The following RIMS1 variants were observed in gnomAD, a reference collection of about 807,000 sequenced individuals.
The protein encoded by RIMS1 is regulating synaptic membrane exocytosis protein 1.
A neutral mutation model predicts 214.1 loss-of-function variants in RIMS1; 83 were observed. That is an observed-to-expected ratio of 0.39 (90% CI 0.32 to 0.47). RIMS1 has a LOEUF of 0.47. RIMS1 is among the 20% of genes least tolerant of loss of function. The probability of loss-of-function intolerance (pLI) is 0.99; values close to 1 mark genes in which losing one functional copy is unlikely to be tolerated. For missense variants in RIMS1, 2,050 were observed against 2,161.8 expected (o/e 0.95, Z 1.03); for synonymous variants, 793 against 786.8 (o/e 1.01, Z -0.13).
intron 2 of RIMS1, among the ~76,000 whole-genome samples, chr6:71,995,859 A>C (rs575544520): frequency 2.0e-4 from 31 of 152,054 alleles, no homozygotes; most frequent in Non-Finnish European, 2.4e-4. Flanking sequence ...TGATCTTGGC[A>C]CACTGCACCC....
At chr6:72,070,514 A>G (rs1830351870) in intron 2 of RIMS1, among the ~76,000 whole-genome samples, 1 of 152,228 alleles carries the variant, frequency 6.6e-6, no homozygotes, top group South Asian at 2.1e-4. Context: ...CTCAGTACTT[A>G]GTCATAAAAA....
intron 2 of RIMS1, among the ~76,000 whole-genome samples, chr6:71,984,880 T>C (rs906541676): frequency 6.6e-6 from 1 of 151,994 alleles, no homozygotes; most frequent in Non-Finnish European, 1.5e-5. Flanking sequence ...ATGAGGGTGG[T>C]ATAAAAGGAA....
At chr6:72,200,895 GT>G (rs2051863616) in intron 6 of RIMS1, among the ~76,000 whole-genome samples, 1 of 143,230 alleles carries the variant, frequency 7.0e-6, no homozygotes, top group African/African-American at 2.5e-5. Context: ...GTGTGTGTGT[GT>G]GTGGTCTGAG....
intron 6 of RIMS1, among the ~76,000 whole-genome samples, chr6:72,190,570 A>G (rs541753374): frequency 5.3e-5 from 8 of 152,000 alleles, no homozygotes; most frequent in African/African-American, 1.9e-4. Flanking sequence ...GTGCAGAACC[A>G]TCTGTGAACC....
At chr6:72,273,218 G>A (rs1441928635) in intron 22 of RIMS1, among the ~76,000 whole-genome samples, 1 of 151,950 alleles carries the variant, frequency 6.6e-6, no homozygotes, top group Admixed American at 6.6e-5. Flanking sequence ...TTGGCCAGAT[G>A]GTCTAAAATA....
chr6:72,400,644 C>G lies in RIMS1; in HGVS notation c.5009C>G (p.Thr1670Ser). 1 of 1,613,944 alleles carries G rather than the reference C, an allele frequency of 6.2e-7. No individual in the cohort carries two copies. Among genetic ancestry groups the G allele is most frequent in the South Asian group, 1.1e-5 (1 of 91,078 alleles). The change falls in exon 34 of 34, where the codon ACT becomes AGT. Residue 1670 changes from threonine (T) to serine (S), a missense_variant. Transcript: ENST00000521978. ...TCCTCACTGGTGGATCCCACACTCA[C>G]TCCCCTCACCCGGCGGGCTTCCCAG... ...PPSSLVDPTL[T>S]PLTRRASQSS...
chr6:72,256,964 G>A (rs1043603467), intron 16 of RIMS1, among the ~76,000 whole-genome samples: 12 of 151,806 alleles, frequency 7.9e-5, no homozygotes, highest in African/African-American at 2.4e-4. Context: ...TCTGAATATT[G>A]TCAAAGTACA....
chr6:72,310,136 T>C (rs1181977049), intron 27 of RIMS1, among the ~76,000 whole-genome samples: 1 of 152,114 alleles, frequency 6.6e-6, no homozygotes, highest in Admixed American at 6.6e-5. Flanking sequence ...GACGAAGCAA[T>C]GAACATTAGT....
chr6:72,263,079 C>T, intron 19 of RIMS1: 2 of 975,452 alleles, frequency 2.1e-6, no homozygotes, highest in Non-Finnish European at 2.4e-6. Flanking sequence ...ACTAGTTTTT[C>T]CAAAAATATG....
intron 6 of RIMS1, among the ~76,000 whole-genome samples, chr6:72,223,976 T>C (rs1044000739): frequency 6.8e-6 from 1 of 147,492 alleles, no homozygotes; most frequent in Non-Finnish European, 1.5e-5. Flanking sequence ...GCCAGTTGCG[T>C]AAGTGCACAC....
At chr6:72,394,997 G>A (rs1324187256) in intron 31 of RIMS1, among the ~76,000 whole-genome samples, 1 of 151,862 alleles carries the variant, frequency 6.6e-6, no homozygotes, top group African/African-American at 2.4e-5. Context: ...GTTAGAGAAT[G>A]GGAAATATAG....
chr6:72,400,083 C>A (rs886428359), intron 33 of RIMS1, among the ~76,000 whole-genome samples: 2 of 152,180 alleles, frequency 1.3e-5, no homozygotes, highest in African/African-American at 4.8e-5. Flanking sequence ...CCATGGTATA[C>A]TGAGTTGGAT....
At chr6:71,924,776 CAGCCTGAGCAACAG>C (rs1364346390) in intron 1 of RIMS1, among the ~76,000 whole-genome samples, 1 of 127,508 alleles carries the variant, frequency 7.8e-6, no homozygotes, top group African/African-American at 3.1e-5. Context: ...CACCACACTG[CAGCCTGAGCAACAG>C]AGCAAGACCC....
intron 28 of RIMS1, among the ~76,000 whole-genome samples, chr6:72,328,891 C>T (rs1170798350): frequency 6.6e-6 from 1 of 151,794 alleles, no homozygotes; most frequent in African/African-American, 2.4e-5. Flanking sequence ...CTGAAATCTG[C>T]TGGCCAGCCG....
intron 29 of RIMS1, among the ~76,000 whole-genome samples, chr6:72,359,614 G>A (rs1228764550): frequency 1.3e-5 from 2 of 151,738 alleles, no homozygotes; most frequent in East Asian, 1.9e-4. Flanking sequence ...TTAACATATA[G>A]CACCCATAGA....
intron 6 of RIMS1, among the ~76,000 whole-genome samples, chr6:72,196,774 G>C (rs2496517): frequency 0.71 from 107,048 of 151,068 alleles, 38,271 homozygotes; most frequent in East Asian, 0.84. Flanking sequence ...CGAATATAGC[G>C]TGCTTTTCCA....
chr6:72,136,275 G>A (rs1047039429), intron 4 of RIMS1, among the ~76,000 whole-genome samples: 3 of 151,800 alleles, frequency 2.0e-5, no homozygotes, highest in Non-Finnish European at 2.9e-5. Context: ...GAAAATAATC[G>A]AGAACATAAA....
In RIMS1 at chr6:72,398,286, A is replaced by G. The variant is rs772484340; in HGVS notation, c.4656A>G (p.Gln1552=). The change falls in exon 32 of 34, where the codon CAA becomes CAG. Residue 1552 remains glutamine (Q), a synonymous_variant. Transcript: ENST00000521978. ...IQIGMEDKKG[Q]LEVEVIRARS... ...TAGGAATGGAGGACAAAAAGGGCCA[A>G]TTAGAAGTGGAAGTCATTAGAGCAC... 1.9e-6 allele frequency: 3 copies of G among 1,609,354 alleles called. No individual in the cohort carries two copies. The highest frequency in any genetic ancestry group is 1.7e-6 in the Non-Finnish European group (2 of 1,177,938).
Position 72,179,677 on chromosome 6 carries a change from A to C in RIMS1, c.574A>C (p.Thr192Pro). 1 of 1,613,916 alleles carries C rather than the reference A, an allele frequency of 6.2e-7. No homozygotes were observed. The highest frequency in any genetic ancestry group is 8.5e-7 in the Non-Finnish European group (1 of 1,179,864). ...SGPQQTSQDG[T>P]LSDTATGAGS... ...CCCTCAGCAGACAAGTCAGGATGGA[A>C]CCCTGAGTGATACAGCTACAGGTGC... is the stretch of plus-strand genomic sequence containing the variant. Residue 192 changes from threonine (T) to proline (P), a missense_variant, in exon 5 of 34, where the codon ACC (threonine) becomes CCC (proline). Physicochemically the swap from Thr to Pro is conservative, Grantham distance 38. Transcript: ENST00000521978.
Sources: allele counts gnomAD v4.1 joint callset (sites outside exome capture counted in the v4.1 genomes callset), GRCh38; gene constraint gnomAD v4.1.1; transcripts MANE v1.5; gene names NCBI Gene and HGNC (gene_info 2026-07-23, HGNC 2026-07-21).